Variants in CDH13 observed in about 807,000 individuals in gnomAD.
CDH13 encodes cadherin-13.
Under a neutral mutation model 63.8 loss-of-function variants are expected in CDH13, and 24 were observed. The ratio of observed to expected loss-of-function variants is 0.38; its 90% CI spans 0.27 to 0.53. CDH13 has a LOEUF of 0.53. CDH13 is among the 20% of genes least tolerant of loss of function. The pLI, the probability that CDH13 is intolerant of heterozygous loss-of-function variation, is 0.85. For missense variants in CDH13, 1,049 were observed against 903.1 expected, an observed-to-expected ratio of 1.16 and a Z score of -2.07; for synonymous variants, 503 against 355.3, an observed-to-expected ratio of 1.42 and a Z score of -4.67.
chr16:82,979,186 G>T lies in CDH13; in HGVS notation c.158-52824G>T, dbSNP rs114870349. Among the ~76,000 whole-genome samples, 837 of 152,336 alleles carry T rather than the reference G, an allele frequency of 5.5e-3. 6 individuals are homozygous for T. Among genetic ancestry groups the T allele is most frequent in the African/African-American group, 0.02 (817 of 41,576 alleles). On this transcript the variant is annotated intron_variant, in intron 2 of 13. Transcript: ENST00000567109. ...TTTATCCAATGCCTGTACCCCCATT[G>T]TGTCTGGGAAGTATCTAACTGGCTT...
intron 5 of CDH13, among the ~76,000 whole-genome samples, chr16:83,313,587 A>C (rs980258221): frequency 7.9e-5 from 12 of 151,908 alleles, no homozygotes; most frequent in Non-Finnish European, 1.3e-4. Context: ...AGATTTTTAA[A>C]AGAAATTTTG....
chr16:83,193,210 G>A (rs1567494780), intron 4 of CDH13, among the ~76,000 whole-genome samples: 2 of 151,564 alleles, frequency 1.3e-5, no homozygotes, highest in South Asian at 2.1e-4. Flanking sequence ...TCTAGATACT[G>A]AGCCATCCTA....
intron 2 of CDH13, among the ~76,000 whole-genome samples, chr16:82,922,804 A>G (rs921703254): frequency 6.6e-6 from 1 of 152,312 alleles, no homozygotes; most frequent in Middle Eastern, 3.4e-3. Context: ...TCTGTGCCAC[A>G]CTGTATAACC....
At chr16:83,119,935 A>C (rs150432573) in intron 3 of CDH13, among the ~76,000 whole-genome samples, 75 of 152,358 alleles carry the variant, frequency 4.9e-4, no homozygotes, top group African/African-American at 1.8e-3. Context: ...ATAGAAGCAG[A>C]GCCACAGGCC....
intron 5 of CDH13, among the ~76,000 whole-genome samples, chr16:83,272,911 C>T (rs2088869216): frequency 6.6e-6 from 1 of 152,124 alleles, no homozygotes; most frequent in Admixed American, 6.5e-5. Flanking sequence ...GATGAGTTTG[C>T]TGGAAATAAT....
At chr16:83,503,843 G>A (rs55768087) in intron 7 of CDH13, among the ~76,000 whole-genome samples, 4,247 of 151,946 alleles carry the variant, frequency 0.028, 88 homozygotes, top group Non-Finnish European at 0.041. Flanking sequence ...TCTATAGGTT[G>A]CCTGTTCATT....
chr16:82,744,585 C>G (rs966069756), intron 1 of CDH13, among the ~76,000 whole-genome samples: 2 of 151,984 alleles, frequency 1.3e-5, no homozygotes, highest in Admixed American at 1.3e-4. Flanking sequence ...TCCTGTGTAT[C>G]CTGTGTTATA....
At chr16:83,294,602 ATGTG>A (rs931696658) in intron 5 of CDH13, among the ~76,000 whole-genome samples, 2 of 146,990 alleles carry the variant, frequency 1.4e-5, no homozygotes, top group Non-Finnish European at 3.0e-5. Flanking sequence ...ATATATGTGT[ATGTG>A]TGTGTGTGTG....
chr16:82,754,037 G>A (rs570656979), intron 1 of CDH13, among the ~76,000 whole-genome samples: 2 of 152,164 alleles, frequency 1.3e-5, no homozygotes, highest in African/African-American at 2.4e-5. Flanking sequence ...TAGTGCTCAC[G>A]CTTCTGGAAT....
chr16:83,132,061 C>T (rs1189279011), intron 4 of CDH13, among the ~76,000 whole-genome samples: 2 of 152,150 alleles, frequency 1.3e-5, no homozygotes, highest in Non-Finnish European at 2.9e-5. Flanking sequence ...GAGATTTATG[C>T]CCACCTATGC....
chr16:83,580,560 T>C (rs1294715539), intron 7 of CDH13, among the ~76,000 whole-genome samples: 1 of 150,222 alleles, frequency 6.7e-6, no homozygotes, highest in African/African-American at 2.4e-5. Flanking sequence ...AGTGGTATGA[T>C]CTGAGTTTAC....
intron 3 of CDH13, among the ~76,000 whole-genome samples, chr16:83,077,648 C>T (rs897862404): frequency 2.0e-4 from 31 of 152,140 alleles, no homozygotes; most frequent in African/African-American, 7.2e-4. Context: ...CTTTTGATTA[C>T]AATGAATAAA....
At chr16:82,712,711 G>C (rs1444157374) in intron 1 of CDH13, among the ~76,000 whole-genome samples, 1 of 152,146 alleles carries the variant, frequency 6.6e-6, no homozygotes. Context: ...TGAGATGGCT[G>C]ACTCCCTGAA....
chr16:82,645,310 C>A (rs1363066203), intron 1 of CDH13, among the ~76,000 whole-genome samples: 2 of 152,174 alleles, frequency 1.3e-5, no homozygotes, highest in African/African-American at 4.8e-5. Context: ...TCAACTCCAT[C>A]CAGAATAATT....
intron 1 of CDH13, among the ~76,000 whole-genome samples, chr16:82,682,572 A>G (rs1914659803): frequency 6.6e-6 from 1 of 151,946 alleles, no homozygotes; most frequent in Non-Finnish European, 1.5e-5. Context: ...TTTAATAATC[A>G]TTAAGTAAAG....
At chr16:82,797,769 A>G (rs58610318) in intron 1 of CDH13, among the ~76,000 whole-genome samples, 6,721 of 112,242 alleles carry the variant, frequency 0.06, 488 homozygotes, top group African/African-American at 0.19. Flanking sequence ...GTATGACTTT[A>G]GGGCCGTGTG....
intron 5 of CDH13, among the ~76,000 whole-genome samples, chr16:83,335,860 G>A (rs1477347722): frequency 6.6e-6 from 1 of 152,118 alleles, no homozygotes; most frequent in Non-Finnish European, 1.5e-5. Flanking sequence ...AAAAGGGACA[G>A]GAATTGCTCA....
At chr16:83,035,453 C>G (rs1207214066) in intron 3 of CDH13, among the ~76,000 whole-genome samples, 1 of 152,198 alleles carries the variant, frequency 6.6e-6, no homozygotes, top group African/African-American at 2.4e-5. Context: ...ACGTAACCTC[C>G]TTAGCAACTG....
chr16:83,571,853 C>T (rs117808369), intron 7 of CDH13, among the ~76,000 whole-genome samples: 6 of 152,154 alleles, frequency 3.9e-5, no homozygotes, highest in African/African-American at 1.2e-4. Flanking sequence ...GTGCCTCATT[C>T]CCCTGGCTCC....
Sources: allele counts gnomAD v4.1 joint callset (sites outside exome capture counted in the v4.1 genomes callset), GRCh38; gene constraint gnomAD v4.1.1; transcripts MANE v1.5; gene names NCBI Gene and HGNC (gene_info 2026-07-23, HGNC 2026-07-21).